Variants in ESYT2 observed in about 807,000 individuals in gnomAD.
The protein encoded by ESYT2 is extended synaptotagmin-2.
A neutral mutation model predicts 107.2 loss-of-function variants in ESYT2; 54 were observed. That is an observed-to-expected ratio of 0.50 (90% confidence interval 0.40 to 0.63). The LOEUF (loss-of-function observed/expected upper bound fraction) is 0.63, where lower values mean the gene tolerates loss of function less well. Among genes scored for constraint, ESYT2 ranks in the 30% least tolerant of loss-of-function variants. ESYT2 has a pLI of 0.00. For synonymous variants in ESYT2, 491 were observed against 434.1 expected, an observed-to-expected ratio of 1.13 and a Z score of -1.63; for missense variants, 1,020 against 1,094.5, an observed-to-expected ratio of 0.93 and a Z score of 0.96.
intron 10 of ESYT2, 144 bp from the exon 11 acceptor site, chr7:158,761,688 G>A (rs988387695): frequency 3.1e-4 from 212 of 684,726 alleles, no homozygotes; most frequent in Non-Finnish European, 4.2e-4. Flanking sequence ...GCAACAAAAC[G>A]CTAATAATTT....
chr7:158,766,828 A>G (rs1364207764), intron 8 of ESYT2, among the ~76,000 whole-genome samples: 1 of 152,206 alleles, frequency 6.6e-6, no homozygotes, highest in Admixed American at 6.5e-5. Flanking sequence ...TCTGGAGTCC[A>G]AAGTCCAGAC....
At chr7:158,746,229 G>GACAAAC (rs1554581028) in intron 16 of ESYT2, among the ~76,000 whole-genome samples, 2 of 147,916 alleles carry the variant, frequency 1.4e-5, no homozygotes, top group Non-Finnish European at 3.0e-5. Context: ...TACATAAATA[G>GACAAAC]ACACACACAC....
intron 20 of ESYT2, 46 bp downstream of exon 20, chr7:158,737,002 T>C (rs1308872936): frequency 4.4e-6 from 7 of 1,606,284 alleles, no homozygotes; most frequent in Non-Finnish European, 6.0e-6. Flanking sequence ...TCTTAATCCG[T>C]CACTTCAACC....
chr7:158,759,083 C>T (rs1340467302), intron 13 of ESYT2, among the ~76,000 whole-genome samples: 1 of 152,202 alleles, frequency 6.6e-6, no homozygotes, highest in African/African-American at 2.4e-5. Context: ...CAAGGCCCAG[C>T]AGCTCACGCA....
intron 6 of ESYT2, among the ~76,000 whole-genome samples, chr7:158,781,237 GAA>G: frequency 6.6e-6 from 1 of 152,180 alleles, no homozygotes; most frequent in Middle Eastern, 3.4e-3. Context: ...GTGTGTGTAA[GAA>G]TGAGTGAGAA....
intron 18 of ESYT2, among the ~76,000 whole-genome samples, chr7:158,741,100 G>C (rs34175774): frequency 0.24 from 36,205 of 152,138 alleles, 5,191 homozygotes; most frequent in East Asian, 0.59. Context: ...TGAGCAACAG[G>C]GATGGGATCC....
At position 158,749,616 on chromosome 7, in the gene ESYT2, G is replaced by C. The variant is rs367847513; in HGVS notation, c.1557+33C>G. ...AACACGGACAGCGCCCGCACGACAG[G>C]CACCAAGGCTGAGTCCAGGGCGAGC... On this transcript the variant is annotated intron_variant, in intron 15 of 22. Transcript: ENST00000275418. 7 of 1,608,974 alleles carry C rather than the reference G, an allele frequency of 4.4e-6. No homozygotes were observed. In the African/African-American group the frequency reaches 9.4e-5, roughly 22 times the overall value.
chr7:158,781,719 G>A (rs546245186), intron 6 of ESYT2, among the ~76,000 whole-genome samples: 1 of 151,744 alleles, frequency 6.6e-6, no homozygotes, highest in South Asian at 2.1e-4. Flanking sequence ...GTAAGAACGA[G>A]AACAAATGTG....
At chr7:158,753,717 G>A (rs1218041588) in intron 13 of ESYT2, among the ~76,000 whole-genome samples, 1 of 151,394 alleles carries the variant, frequency 6.6e-6, no homozygotes, top group African/African-American at 2.4e-5. Flanking sequence ...GGAACATGCG[G>A]CCAGGCAGGA....
rs990578535 is a variant in ESYT2, at chr7:158,733,971, G to A, written c.*236C>T. ...AGAGTCCACAGACACAAGAGCTACCGCCGCCCTACTGCACGTTGTAGGAAC... is the reference window on the plus strand; with the variant it reads ...AGAGTCCACAGACACAAGAGCTACCACCGCCCTACTGCACGTTGTAGGAAC... On this transcript the variant is annotated 3_prime_UTR_variant, in exon 23 of 23. Coordinates refer to ENST00000275418, the MANE Select transcript of ESYT2 (RefSeq NM_001367773.1). 7.8e-6 allele frequency: 4 copies of A among 514,842 alleles called. No individual in the cohort carries two copies. Among genetic ancestry groups the A allele is most frequent in the African/African-American group, 5.8e-5 (3 of 51,726 alleles). The allele number at this position is 514,842 out of a possible 1,614,324, so 31.9% of individuals were successfully genotyped here. A position where few individuals can be genotyped will look rare whatever the true frequency, so the allele number is the denominator to read the frequency against.
intron 14 of ESYT2, 112 bp downstream of exon 14, chr7:158,752,669 T>G (rs1349585382): frequency 1.6e-6 from 1 of 610,916 alleles, no homozygotes; most frequent in Non-Finnish European, 2.5e-6. Context: ...CACTAGACAA[T>G]TAATTACTAC....
chr7:158,785,665 A>G (rs958163149), intron 6 of ESYT2, among the ~76,000 whole-genome samples: 1 of 152,184 alleles, frequency 6.6e-6, no homozygotes, highest in African/African-American at 2.4e-5. Flanking sequence ...GGCTTAGAGA[A>G]GTAAGTTGTT....
intron 6 of ESYT2, among the ~76,000 whole-genome samples, chr7:158,782,840 G>A (rs1337186892): frequency 6.6e-6 from 1 of 152,014 alleles, no homozygotes; most frequent in Non-Finnish European, 1.5e-5. Flanking sequence ...GTGCGGACAA[G>A]TGTGAAAGAA....
chr7:158,769,129 C>T (rs908963624), intron 7 of ESYT2, among the ~76,000 whole-genome samples: 1 of 152,216 alleles, frequency 6.6e-6, no homozygotes, highest in South Asian at 2.1e-4. Context: ...TAATGCCCAA[C>T]CACCCACTGC....
intron 7 of ESYT2, among the ~76,000 whole-genome samples, chr7:158,772,680 C>T (rs142757716): frequency 1.3e-5 from 2 of 152,158 alleles, no homozygotes; most frequent in Non-Finnish European, 2.9e-5. Context: ...GACTCCTTGT[C>T]TCTAAGCAGG....
At chr7:158,809,049 CAG>C (rs1839914381) in intron 1 of ESYT2, among the ~76,000 whole-genome samples, 1 of 152,064 alleles carries the variant, frequency 6.6e-6, no homozygotes, top group Admixed American at 6.6e-5. Flanking sequence ...GAAGACAAAA[CAG>C]ATGTTCTGAT....
At chr7:158,767,896 A>ATC (rs1279100751) in intron 7 of ESYT2, 122 bp from the exon 8 acceptor site, 2 of 1,154,990 alleles carry the variant, frequency 1.7e-6, no homozygotes, top group Non-Finnish European at 2.3e-6. Flanking sequence ...AGTAGGAGTT[A>ATC]TCTCATTCCT....
intron 6 of ESYT2, among the ~76,000 whole-genome samples, chr7:158,783,017 C>T (rs535329014): frequency 6.6e-6 from 1 of 152,292 alleles, no homozygotes; most frequent in South Asian, 2.1e-4. Context: ...CTAAAATCAG[C>T]GTGCCCCTCC....
intron 1 of ESYT2, among the ~76,000 whole-genome samples, chr7:158,800,317 G>A (rs1042825709): frequency 6.6e-6 from 1 of 152,164 alleles, no homozygotes; most frequent in Non-Finnish European, 1.5e-5. Flanking sequence ...AAAGTGCTGA[G>A]ATTATAGGTG....
Sources: allele counts gnomAD v4.1 joint callset (sites outside exome capture counted in the v4.1 genomes callset), GRCh38; gene constraint gnomAD v4.1.1; transcripts MANE v1.5; gene names NCBI Gene and HGNC (gene_info 2026-07-23, HGNC 2026-07-21).